PKD2L2: variants seen among roughly 807,000 people sequenced by gnomAD.
PKD2L2 encodes the protein polycystin 2 like 2, transient receptor potential cation channel, also known as polycystin-2-like protein 2.
Under a neutral mutation model 83.9 loss-of-function variants are expected in PKD2L2, and 67 were observed. The ratio of observed to expected loss-of-function variants is 0.80; its 90% confidence interval spans 0.66 to 0.98. The LOEUF is 0.98. Among genes scored for constraint, PKD2L2 ranks in the 50% least tolerant of loss-of-function variants. The probability of loss-of-function intolerance (pLI) is 0.00; values close to 1 mark genes in which losing one functional copy is unlikely to be tolerated. For synonymous variants in PKD2L2, 223 were observed against 237.8 expected, an observed-to-expected ratio of 0.94 and a Z score of 0.57; for missense variants, 632 against 717.2, an observed-to-expected ratio of 0.88 and a Z score of 1.36.
chr5:137,941,667 G>C (rs1222638655), intron 14 of PKD2L2, among the ~76,000 whole-genome samples: 1 of 152,130 alleles, frequency 6.6e-6, no homozygotes, highest in African/African-American at 2.4e-5. Flanking sequence ...TCCCAAAAGG[G>C]TAAGGATGTA....
At chr5:137,931,747 G>A (rs955689205) in intron 12 of PKD2L2, among the ~76,000 whole-genome samples, 1 of 152,168 alleles carries the variant, frequency 6.6e-6, no homozygotes, top group African/African-American at 2.4e-5. Context: ...AGATAGTGAT[G>A]TATTGGAGGG....
At position 137,907,672 on chromosome 5, in the gene PKD2L2, C is replaced by A. The variant is rs561907798; in HGVS notation, c.976-70C>A. On this transcript the variant is annotated intron_variant, in intron 6 of 14. Transcript: ENST00000508883. ...CTTTTGATGAACTTTTTTTGTGTTT[C>A]CTCATAGGCTGTAAGATATTTAGAG... The A allele has an allele frequency of 1.8e-5, 16 of 884,466 alleles. No individual in the cohort carries two copies. In the East Asian group the frequency reaches 2.5e-4, roughly 14 times the overall value. 54.8% of individuals were successfully genotyped at this position (884,466 alleles called of 1,614,324 possible).
intron 14 of PKD2L2, among the ~76,000 whole-genome samples, chr5:137,940,724 G>C (rs1349744004): frequency 3.9e-5 from 6 of 152,176 alleles, no homozygotes; most frequent in Non-Finnish European, 7.3e-5. Context: ...CCAGTGAATT[G>C]AGATGTAAAA....
At chr5:137,936,684 T>C (rs888313429) in intron 14 of PKD2L2, among the ~76,000 whole-genome samples, 1 of 152,224 alleles carries the variant, frequency 6.6e-6, no homozygotes. Context: ...CTCGATCTCC[T>C]GACCTCGTGA....
chr5:137,941,970 T>C, intron 14 of PKD2L2: 1 of 1,614,096 alleles, frequency 6.2e-7, no homozygotes, highest in East Asian at 2.2e-5. Context: ...AAAATGCTTC[T>C]TCAAATTCCC....
chr5:137,924,605 C>T (rs946454161), intron 10 of PKD2L2, among the ~76,000 whole-genome samples: 4 of 152,180 alleles, frequency 2.6e-5, no homozygotes, highest in African/African-American at 9.7e-5. Context: ...GTCCTAGTAG[C>T]TGCAGGGTTA....
At chr5:137,926,779 A>T (rs961450584) in intron 12 of PKD2L2, among the ~76,000 whole-genome samples, 1 of 152,188 alleles carries the variant, frequency 6.6e-6, no homozygotes, top group Non-Finnish European at 1.5e-5. Context: ...AGGTCCACTT[A>T]AATGCGTAAT....
chr5:137,913,858 CTTTT>C (rs1439312948), intron 8 of PKD2L2, among the ~76,000 whole-genome samples: 1 of 149,800 alleles, frequency 6.7e-6, no homozygotes, highest in African/African-American at 2.4e-5. Context: ...GCTTTTCTTT[CTTTT>C]TTCTTTTCCT....
intron 10 of PKD2L2, 40 bp from the exon 11 acceptor site, chr5:137,925,000 T>C: frequency 8.9e-7 from 1 of 1,117,852 alleles, no homozygotes; most frequent in African/African-American, 1.5e-5. Flanking sequence ...ATCAAGGATA[T>C]ATTTTAATGC....
intron 12 of PKD2L2, among the ~76,000 whole-genome samples, chr5:137,934,282 T>G (rs544424996): frequency 4.5e-4 from 69 of 152,306 alleles, no homozygotes; most frequent in Non-Finnish European, 9.0e-4. Context: ...CAAGGAAGGC[T>G]TCACAAAAAG....
chr5:137,890,815 A>G (rs1021240675), intron 2 of PKD2L2, among the ~76,000 whole-genome samples: 1 of 152,254 alleles, frequency 6.6e-6, no homozygotes, highest in Non-Finnish European at 1.5e-5. Flanking sequence ...AGAAGCTTCC[A>G]TAGTCAATAC....
chr5:137,926,038 A>G (rs1759351786), intron 12 of PKD2L2, 109 bp downstream of exon 12: 3 of 606,518 alleles, frequency 4.9e-6, no homozygotes, highest in Non-Finnish European at 6.0e-6. Flanking sequence ...TCAGAATAGT[A>G]ATTGTCATCT....
intron 8 of PKD2L2, among the ~76,000 whole-genome samples, chr5:137,915,248 T>C (rs542494522): frequency 6.6e-6 from 1 of 152,276 alleles, no homozygotes; most frequent in South Asian, 2.1e-4. Context: ...TTCAGGGTAA[T>C]GCTGGCCATG....
chr5:137,922,120 G>C (rs1234303300), intron 9 of PKD2L2, among the ~76,000 whole-genome samples: 1 of 152,216 alleles, frequency 6.6e-6, no homozygotes, highest in Admixed American at 6.5e-5. Context: ...CACTTACCAC[G>C]TTGTGGTTTT....
intron 12 of PKD2L2, among the ~76,000 whole-genome samples, chr5:137,933,511 A>G (rs1314757765): frequency 1.3e-5 from 2 of 152,238 alleles, no homozygotes; most frequent in Non-Finnish European, 2.9e-5. Flanking sequence ...GCAAAGAAGG[A>G]AATAGGAATA....
chr5:137,907,679 G>C, intron 6 of PKD2L2, 63 bp from the exon 7 acceptor site: 1 of 963,278 alleles, frequency 1.0e-6, no homozygotes, highest in Non-Finnish European at 1.5e-6. Context: ...TTTCCTCATA[G>C]GCTGTAAGAT....
intron 8 of PKD2L2, among the ~76,000 whole-genome samples, chr5:137,912,824 G>C (rs1757960133): frequency 1.6e-5 from 1 of 63,816 alleles, no homozygotes; most frequent in Non-Finnish European, 3.2e-5. Flanking sequence ...TTTTTTTTGA[G>C]ATGGAGTTTT....
chr5:137,935,108 T>G (rs1209742154), intron 12 of PKD2L2, among the ~76,000 whole-genome samples: 6 of 152,210 alleles, frequency 3.9e-5, no homozygotes, highest in Non-Finnish European at 7.3e-5. Context: ...TGAGAAGGTT[T>G]TGAATCACAT....
At chr5:137,924,020 C>T (rs112689673) in intron 10 of PKD2L2, among the ~76,000 whole-genome samples, 7 of 152,256 alleles carry the variant, frequency 4.6e-5, no homozygotes, top group African/African-American at 4.8e-5. Flanking sequence ...TCTATTGTCA[C>T]GGCACATGTA....
Sources: allele counts gnomAD v4.1 joint callset (sites outside exome capture counted in the v4.1 genomes callset), GRCh38; gene constraint gnomAD v4.1.1; transcripts MANE v1.5; gene names NCBI Gene and HGNC (gene_info 2026-07-23, HGNC 2026-07-21).